CUL4A: variants seen among roughly 807,000 people sequenced by gnomAD.
The protein encoded by CUL4A is cullin-4A.
CUL4A carries 16 observed loss-of-function variants against 95.5 expected under a neutral mutation model. The ratio of observed to expected loss-of-function variants is 0.17; its 90% CI spans 0.11 to 0.25. The LOEUF (loss-of-function observed/expected upper bound fraction) is 0.25, where lower values mean the gene tolerates loss of function less well. Among genes scored for constraint, CUL4A ranks in the 10% least tolerant of loss-of-function variants. The pLI, the probability that CUL4A is intolerant of heterozygous loss-of-function variation, is 1.00. For missense variants in CUL4A, 610 were observed against 937.0 expected (o/e 0.65, Z 4.56); for synonymous variants, 380 against 353.1 (o/e 1.08, Z -0.85).
intron 3 of CUL4A, among the ~76,000 whole-genome samples, chr13:113,223,339 C>T (rs1033541364): frequency 2.0e-5 from 3 of 152,120 alleles, no homozygotes; most frequent in Admixed American, 6.5e-5. Context: ...TCTTTTGCCT[C>T]TGGGATATTC....
At chr13:113,208,507 A>G, upstream of CUL4A, 1 of 1,552,064 alleles carries the variant, frequency 6.4e-7, no homozygotes, top group South Asian at 1.2e-5. Flanking sequence ...GAGGCGGGAA[A>G]GGAAAAGGCC....
intron 2 of CUL4A, 33 bp downstream of exon 2, chr13:113,210,121 C>T (rs1397324428): frequency 7.9e-6 from 11 of 1,392,762 alleles, no homozygotes; most frequent in African/African-American, 1.5e-5. Context: ...GGACGCCGCT[C>T]CTGCCCCGCG....
chr13:113,224,818 C>T (rs1396568553), intron 3 of CUL4A, among the ~76,000 whole-genome samples: 2 of 152,306 alleles, frequency 1.3e-5, no homozygotes, highest in African/African-American at 2.4e-5. Flanking sequence ...TGTTAATGCT[C>T]GGCCAGATCA....
intron 3 of CUL4A, chr13:113,219,942 A>C (rs944469014): frequency 1.3e-5 from 2 of 152,182 alleles, no homozygotes; most frequent in Non-Finnish European, 2.9e-5. Context: ...TCCTCCCAGT[A>C]CTGTAGCTGT....
At chr13:113,223,729 T>C (rs936413210) in intron 3 of CUL4A, among the ~76,000 whole-genome samples, 17 of 152,204 alleles carry the variant, frequency 1.1e-4, no homozygotes, top group African/African-American at 3.6e-4. Context: ...CGATTATATT[T>C]TGATTGTATG....
Position 113,242,859 on chromosome 13 carries a change from A to G in CUL4A, c.1036-109A>G, listed in dbSNP as rs2041757688. The G allele has an allele frequency of 8.8e-6, 7 of 794,854 alleles. No homozygotes were observed. The South Asian group carries it at 1.6e-4, about 19-fold the overall frequency. 49.2% of individuals were successfully genotyped at this position (794,854 alleles called of 1,614,324 possible). ...AAACTTTTAAAGTTATTGAGTATTT[A>G]CTACTAAGAGTAATTTATGTTAAAC... On this transcript the variant is annotated intron_variant, in intron 10 of 19. Transcript: ENST00000375440.
At chr13:113,249,180 C>T (rs1264018309) in intron 15 of CUL4A, among the ~76,000 whole-genome samples, 1 of 152,212 alleles carries the variant, frequency 6.6e-6, no homozygotes, top group Non-Finnish European at 1.5e-5. Context: ...GCTTCTTTCA[C>T]TTAGCGTGCT....
rs2040796883 is a variant in CUL4A at position 113,218,936 on chromosome 13, T to G, written c.265-9T>G. ...TACTGAAGAATTGATGTAGCCCTTT[T>G]GTTTGCAGGCTGTGGAAAATCTCTG... On this transcript the variant is annotated splice_polypyrimidine_tract_variant and intron_variant, in intron 2 of 19. Transcript: ENST00000375440. 1 of 1,592,336 alleles carries G rather than the reference T, an allele frequency of 6.3e-7. No homozygotes were observed. Among genetic ancestry groups the G allele is most frequent in the East Asian group, 2.2e-5 (1 of 44,758 alleles).
Position 113,260,849 on chromosome 13 carries a change from A to T in CUL4A, c.2184+90A>T. On this transcript the variant is annotated intron_variant, in intron 19 of 19. Transcript: ENST00000375440. ...ATTCTATGTTCAGTCATATCATTTG[A>T]CCTGCATTATTCATGGTGCTTTGTG... 3.0e-6 allele frequency: 3 copies of T among 1,011,172 alleles called. No homozygotes were observed. The South Asian group carries it at 4.9e-5, about 16-fold the overall frequency. The allele number at this position is 1,011,172 out of a possible 1,614,324, so 62.6% of individuals were successfully genotyped here.
In CUL4A at chr13:113,266,365, A is replaced by G. The variant is rs529576274; in HGVS notation, c.*2783A>G. ...AACCCCCAAAAAAGATAAAATACCTAGTAACAAATAGGGAAACACCTATGT... is the reference window on the plus strand; with the variant it reads ...AACCCCCAAAAAAGATAAAATACCTGGTAACAAATAGGGAAACACCTATGT... On this transcript the variant is annotated 3_prime_UTR_variant, in exon 20 of 20. Transcript: ENST00000375440. 3.3e-5 allele frequency: 5 copies of G among 152,346 alleles called. No individual in the cohort carries two copies. The South Asian group carries it at 1.0e-3, about 32-fold the overall frequency. The allele number at this position is 152,346 out of a possible 1,614,324, so 9.4% of individuals were successfully genotyped here.
rs866819580 is a variant in CUL4A at position 113,244,962 on chromosome 13, T to C, written c.1347T>C (p.Phe449=). ...GGTTATAAATAGGTAAAGATGTCTT[T>C]GAAGCATTTTATAAAAAAGATTTGG... ...LFRFIHGKDV[F]EAFYKKDLAK... Residue 449 remains phenylalanine, a synonymous_variant, in exon 13 of 20, where the codon TTT becomes TTC. Coordinates refer to ENST00000375440, the MANE Select transcript of CUL4A (RefSeq NM_001008895.4). 8.1e-6 allele frequency: 13 copies of C among 1,609,112 alleles called. No individual in the cohort carries two copies. The Middle Eastern group carries it at 2.1e-3, about 266-fold the overall frequency.
chr13:113,247,138 C>T (rs1444492880), intron 15 of CUL4A, among the ~76,000 whole-genome samples: 1 of 152,114 alleles, frequency 6.6e-6, no homozygotes, highest in Non-Finnish European at 1.5e-5. Flanking sequence ...ACAATCAGAT[C>T]TCGTGGTAAC....
At chr13:113,239,778 T>C (rs1224342251) in intron 10 of CUL4A, among the ~76,000 whole-genome samples, 3 of 152,234 alleles carry the variant, frequency 2.0e-5, no homozygotes, top group African/African-American at 7.2e-5. Context: ...ACCATCAAGG[T>C]AGAAAGTATA....
At position 113,260,766 on chromosome 13, in the gene CUL4A, G is replaced by A; in HGVS notation, c.2184+7G>A. On this transcript the variant is annotated splice_region_variant and intron_variant, in intron 19 of 19. Coordinates refer to ENST00000375440, the MANE Select transcript of CUL4A (RefSeq NM_001008895.4). ...GCTGAAATTTCCAGTAAAGGTAAAT[G>A]TAACATTAGCATAATTAAATTTGTA... The A allele has an allele frequency of 6.5e-7, 1 of 1,543,608 alleles. No homozygotes were observed. The highest frequency in any genetic ancestry group is 2.1e-4 in the Middle Eastern group (1 of 4,716).
intron 18 of CUL4A, among the ~76,000 whole-genome samples, chr13:113,258,746 T>C (rs2042196296): frequency 6.6e-6 from 1 of 152,172 alleles, no homozygotes; most frequent in South Asian, 2.1e-4. Context: ...AATGTTAGGA[T>C]AGAGAAGTGC....
chr13:113,208,338 C>T (rs1402174799), upstream of CUL4A: 3 of 1,432,090 alleles, frequency 2.1e-6, no homozygotes, highest in Non-Finnish European at 2.7e-6. Flanking sequence ...CTGGGACCGC[C>T]GCGTCTACTT....
At chr13:113,210,715 C>T (rs115773007) in intron 2 of CUL4A, among the ~76,000 whole-genome samples, 3 of 152,126 alleles carry the variant, frequency 2.0e-5, no homozygotes, top group African/African-American at 7.2e-5. Context: ...TGTAAAGTAA[C>T]ATTCATTCAG....
At chr13:113,258,171 T>C (rs2042179702) in intron 18 of CUL4A, among the ~76,000 whole-genome samples, 1 of 152,024 alleles carries the variant, frequency 6.6e-6, no homozygotes. Flanking sequence ...TTGTATTTTT[T>C]GTAGAGATGA....
At chr13:113,258,193 G>A (rs921338855) in intron 18 of CUL4A, among the ~76,000 whole-genome samples, 2 of 152,010 alleles carry the variant, frequency 1.3e-5, no homozygotes, top group African/African-American at 4.8e-5. Context: ...GCCTTGCCAT[G>A]TTACCCAGGC....
Sources: gnomAD v4.1 joint callset for allele counts (sites outside exome capture counted in the v4.1 genomes callset) on GRCh38, gnomAD v4.1.1 for gene constraint, MANE v1.5 for transcripts, NCBI Gene and HGNC (gene_info 2026-07-23, HGNC 2026-07-21) for gene names.